The following POLA1 variants were observed in gnomAD, a reference collection of about 807,000 sequenced individuals.
POLA1 encodes DNA polymerase alpha catalytic subunit.
POLA1 carries 15 observed loss-of-function variants against 124.0 expected under a neutral mutation model. The observed-to-expected ratio is 0.12, with a 90% CI of 0.08 to 0.19. The LOEUF (loss-of-function observed/expected upper bound fraction) is 0.19. Among genes scored for constraint, POLA1 ranks in the 10% least tolerant of loss-of-function variants. The probability of loss-of-function intolerance (pLI) is 1.00; values close to 1 mark genes in which losing one functional copy is unlikely to be tolerated. For synonymous variants in POLA1, 408 were observed against 389.4 expected, an observed-to-expected ratio of 1.05 and a Z score of -0.56; for missense variants, 886 against 1,103.4, an observed-to-expected ratio of 0.80 and a Z score of 2.79.
chrX:24,768,852 A>C (rs2044967311), intron 26 of POLA1, among the ~76,000 whole-genome samples: 1 of 111,861 alleles, frequency 8.9e-6, no homozygotes, highest in African/African-American at 3.3e-5. Flanking sequence ...TTTTACATGC[A>C]GTGTAATGAA....
chrX:24,843,504 G>A, intron 33 of POLA1, 42 bp from the exon 34 acceptor site: 1 of 1,073,109 alleles, frequency 9.3e-7, no homozygotes, highest in Non-Finnish European at 1.2e-6. Context: ...CCCTTTTATA[G>A]CCTCACAGTA....
At chrX:24,973,131 A>T (rs1045230043) in intron 36 of POLA1, among the ~76,000 whole-genome samples, 1 of 111,780 alleles carries the variant, frequency 8.9e-6, no homozygotes, top group Non-Finnish European at 1.9e-5. Context: ...CAAGGCTTGC[A>T]GATTGCCTGA....
At chrX:24,897,323 G>C in intron 35 of POLA1, among the ~76,000 whole-genome samples, 2 of 108,040 alleles carry the variant, frequency 1.9e-5, no homozygotes, top group Middle Eastern at 4.6e-3. Flanking sequence ...TTCTGGACAG[G>C]AAGATGAACA....
intron 36 of POLA1, among the ~76,000 whole-genome samples, chrX:24,967,575 C>G (rs910285258): frequency 2.7e-5 from 3 of 110,440 alleles, no homozygotes; most frequent in Non-Finnish European, 3.8e-5. Flanking sequence ...ACAGGAGGAT[C>G]GCTTGAACCT....
At chrX:24,935,522 C>G in intron 36 of POLA1, among the ~76,000 whole-genome samples, 1 of 113,040 alleles carries the variant, frequency 8.8e-6, no homozygotes, top group Non-Finnish European at 1.9e-5. Flanking sequence ...CTATGGGCAG[C>G]CTTGAGTGCC....
intron 36 of POLA1, among the ~76,000 whole-genome samples, chrX:24,952,465 G>C (rs2048059288): frequency 9.0e-6 from 1 of 111,509 alleles, no homozygotes; most frequent in Non-Finnish European, 1.9e-5. Context: ...TGAAAGGGTA[G>C]TGTCTCGAAT....
intron 36 of POLA1, among the ~76,000 whole-genome samples, chrX:24,982,426 A>G (rs1475058987): frequency 9.1e-6 from 1 of 109,740 alleles, no homozygotes; most frequent in Non-Finnish European, 1.9e-5. Context: ...GTGACTGACC[A>G]GCTCTCTAAA....
At chrX:24,971,483 A>G (rs1372212739) in intron 36 of POLA1, among the ~76,000 whole-genome samples, 1 of 112,412 alleles carries the variant, frequency 8.9e-6, no homozygotes, top group Non-Finnish European at 1.9e-5. Context: ...CAAGGAGATA[A>G]GACAGTGAGT....
At chrX:24,748,517 T>G in intron 25 of POLA1, 57 bp downstream of exon 25, 1 of 960,002 alleles carries the variant, frequency 1.0e-6, no homozygotes, top group Non-Finnish European at 1.4e-6. Context: ...ACAGTTTGAT[T>G]ATTTATGAGT....
chrX:24,943,155 TG>T (rs2047925438), intron 36 of POLA1, among the ~76,000 whole-genome samples: 1 of 112,742 alleles, frequency 8.9e-6, no homozygotes, highest in Admixed American at 9.3e-5. Context: ...AATATAATAA[TG>T]TAAGTATTTT....
At chrX:24,875,445 G>A (rs2046917677) in intron 34 of POLA1, among the ~76,000 whole-genome samples, 1 of 111,876 alleles carries the variant, frequency 8.9e-6, no homozygotes, top group Non-Finnish European at 1.9e-5. Context: ...TAAATTTGGA[G>A]TGAACTAAGC....
intron 35 of POLA1, among the ~76,000 whole-genome samples, chrX:24,913,964 G>C (rs911141753): frequency 5.4e-5 from 6 of 110,787 alleles, no homozygotes; most frequent in African/African-American, 1.6e-4. Context: ...GGAGGCGGAG[G>C]TTGCAGTGAG....
chrX:24,736,819 C>T (rs904407333), intron 18 of POLA1, among the ~76,000 whole-genome samples: 7 of 111,546 alleles, frequency 6.3e-5, no homozygotes, highest in African/African-American at 1.6e-4. Flanking sequence ...TCCCATTCCC[C>T]GGCCCCTGGC....
chrX:24,910,034 G>A (rs1166462313), intron 35 of POLA1, among the ~76,000 whole-genome samples: 1 of 110,178 alleles, frequency 9.1e-6, no homozygotes, highest in African/African-American at 3.3e-5. Flanking sequence ...TTGGCTCTCT[G>A]TTTGTCTGTT....
chrX:24,875,144 G>A (rs1012906171), intron 34 of POLA1, among the ~76,000 whole-genome samples: 1 of 111,412 alleles, frequency 9.0e-6, no homozygotes, highest in East Asian at 2.8e-4. Flanking sequence ...GGAAAAGCAG[G>A]AGAAAAGAAA....
chrX:24,973,146 A>G (rs1003758637), intron 36 of POLA1, among the ~76,000 whole-genome samples: 15 of 111,784 alleles, frequency 1.3e-4, no homozygotes, highest in Admixed American at 1.3e-3. Context: ...GCCTGAGTTC[A>G]GGAGTTCGAG....
At chrX:24,803,845 C>A (rs1200873203) in intron 26 of POLA1, among the ~76,000 whole-genome samples, 1 of 99,892 alleles carries the variant, frequency 1.0e-5, no homozygotes, top group Non-Finnish European at 2.0e-5. Context: ...ATATTGAGAC[C>A]TAGAAAAGGA....
chrX:24,949,849 C>G (rs1398097326), intron 36 of POLA1, among the ~76,000 whole-genome samples: 2 of 108,812 alleles, frequency 1.8e-5, no homozygotes, highest in Non-Finnish European at 3.8e-5. Flanking sequence ...ATTCTCCTGC[C>G]TCAGCCTCCC....
chrX:24,865,530 A>AT (rs2046782230), intron 34 of POLA1, among the ~76,000 whole-genome samples: 1 of 112,051 alleles, frequency 8.9e-6, no homozygotes, highest in African/African-American at 3.2e-5. Context: ...AGTAAATTTC[A>AT]TTATATAATA....
Sources: gnomAD v4.1 joint callset for allele counts (sites outside exome capture counted in the v4.1 genomes callset) on GRCh38, gnomAD v4.1.1 for gene constraint, MANE v1.5 for transcripts, NCBI Gene and HGNC (gene_info 2026-07-23, HGNC 2026-07-21) for gene names.